The following ATRNL1 variants were observed in gnomAD, a reference collection of about 807,000 sequenced individuals.
The protein encoded by ATRNL1 is attractin-like protein 1.
In ATRNL1, 95 loss-of-function variants were observed where a neutral mutation model predicts 182.7. The observed-to-expected ratio is 0.52, with a 90% confidence interval of 0.44 to 0.62. The LOEUF is 0.62. Ranked by LOEUF, ATRNL1 falls within the 20% of genes least tolerant of loss-of-function variation. ATRNL1 has a pLI of 0.00. For synonymous variants in ATRNL1, 576 were observed against 568.3 expected (o/e 1.01, Z -0.19); for missense variants, 1,471 against 1,679.5 (o/e 0.88, Z 2.17).
intron 28 of ATRNL1, among the ~76,000 whole-genome samples, chr10:115,911,787 G>A (rs782574627): frequency 1.1e-3 from 172 of 152,244 alleles, no homozygotes; most frequent in Non-Finnish European, 1.7e-3. Flanking sequence ...AAGAGCACAA[G>A]GAAGAGCACA....
rs149026975 is a variant in ATRNL1, at chr10:115,934,652, A to C, written c.4019-10006A>C. Reference sequence around the variant, plus strand: ...TATCTCTCCTTATTGCCACATTCTTATCTGGTTTCAATAATAGTAGCCTCA... The same window carrying C: ...TATCTCTCCTTATTGCCACATTCTTCTCTGGTTTCAATAATAGTAGCCTCA... On this transcript the variant is annotated intron_variant, in intron 28 of 28. Coordinates refer to ENST00000355044, the MANE Select transcript of ATRNL1 (RefSeq NM_207303.4). Among the ~76,000 whole-genome samples, 29 of 152,164 alleles carry C rather than the reference A, an allele frequency of 1.9e-4. No homozygotes were observed. The East Asian group carries it at 5.6e-3, about 30-fold the overall frequency.
intron 25 of ATRNL1, among the ~76,000 whole-genome samples, chr10:115,538,362 C>A (rs1852163490): frequency 6.6e-6 from 1 of 152,296 alleles, no homozygotes; most frequent in East Asian, 1.9e-4. Context: ...GTGCTTGGTC[C>A]TGTCAACATT....
intron 24 of ATRNL1, among the ~76,000 whole-genome samples, chr10:115,486,212 G>T (rs1315091176): frequency 6.6e-6 from 1 of 152,092 alleles, no homozygotes; most frequent in African/African-American, 2.4e-5. Context: ...ACATCTGTGT[G>T]CATGTGTCTC....
intron 26 of ATRNL1, among the ~76,000 whole-genome samples, chr10:115,669,009 A>G (rs11197400): frequency 0.01 from 1,559 of 152,230 alleles, 30 homozygotes; most frequent in African/African-American, 0.035. Context: ...TTCGTATTGT[A>G]GAAGGAAGAG....
intron 26 of ATRNL1, among the ~76,000 whole-genome samples, chr10:115,626,685 ATTAGG>A (rs1439846638): frequency 6.6e-6 from 1 of 152,218 alleles, no homozygotes; most frequent in Non-Finnish European, 1.5e-5. Context: ...CACAGACTAC[ATTAGG>A]TTAGATTTGA....
At chr10:115,636,843 C>T (rs965081916) in intron 26 of ATRNL1, among the ~76,000 whole-genome samples, 5 of 152,152 alleles carry the variant, frequency 3.3e-5, no homozygotes, top group African/African-American at 1.2e-4. Context: ...CAAATCATAG[C>T]ATATCCATAC....
intron 19 of ATRNL1, among the ~76,000 whole-genome samples, chr10:115,368,246 G>T (rs545814525): frequency 6.6e-6 from 1 of 152,110 alleles, no homozygotes; most frequent in Non-Finnish European, 1.5e-5. Context: ...TTTTTAAGCC[G>T]GTCCGAAAAG....
chr10:115,751,536 C>T lies in ATRNL1; in HGVS notation c.3903+24181C>T, dbSNP rs560323781. Among the ~76,000 whole-genome samples, 12 of 152,104 alleles carry T rather than the reference C, an allele frequency of 7.9e-5. No homozygotes were observed. The South Asian group carries it at 2.3e-3, about 29-fold the overall frequency. Reference sequence around the variant, plus strand: ...GAATTTTGCTATATTTACATATACACTCACCCTTAGATCCCACAAACACAT... The same window carrying T: ...GAATTTTGCTATATTTACATATACATTCACCCTTAGATCCCACAAACACAT... On this transcript the variant is annotated intron_variant, in intron 27 of 28. Transcript: ENST00000355044.
intron 21 of ATRNL1, among the ~76,000 whole-genome samples, chr10:115,431,608 T>G (rs1318254344): frequency 5.9e-5 from 9 of 152,072 alleles, no homozygotes; most frequent in South Asian, 4.1e-4. Flanking sequence ...ATGTATGTAT[T>G]TATTTATTTA....
At chr10:115,197,476 T>G (rs1554891305) in intron 8 of ATRNL1, among the ~76,000 whole-genome samples, 1 of 152,190 alleles carries the variant, frequency 6.6e-6, no homozygotes, top group East Asian at 1.9e-4. Flanking sequence ...GGAAACTATC[T>G]GTTCCAGGAC....
intron 28 of ATRNL1, among the ~76,000 whole-genome samples, chr10:115,861,358 A>G (rs911771981): frequency 2.6e-5 from 4 of 152,304 alleles, no homozygotes; most frequent in South Asian, 2.1e-4. Context: ...CCTACAACAT[A>G]GTAAAAGACA....
chr10:115,557,380 T>G (rs1424939157), intron 26 of ATRNL1, among the ~76,000 whole-genome samples: 1 of 152,004 alleles, frequency 6.6e-6, no homozygotes, highest in East Asian at 1.9e-4. Context: ...CCTGAGACAT[T>G]CAAATTTAAG....
intron 9 of ATRNL1, among the ~76,000 whole-genome samples, chr10:115,229,481 T>C (rs1439315570): frequency 6.6e-6 from 1 of 152,122 alleles, no homozygotes; most frequent in Non-Finnish European, 1.5e-5. Flanking sequence ...GTTGGCTCTT[T>C]ATCAAGTCCT....
chr10:115,392,616 T>A (rs572614708), intron 19 of ATRNL1, among the ~76,000 whole-genome samples: 1 of 152,284 alleles, frequency 6.6e-6, no homozygotes, highest in South Asian at 2.1e-4. Context: ...TATAGTCTTA[T>A]GTGTGAAGAA....
At chr10:115,757,013 A>T (rs1948608614) in intron 27 of ATRNL1, among the ~76,000 whole-genome samples, 1 of 151,834 alleles carries the variant, frequency 6.6e-6, no homozygotes, top group African/African-American at 2.4e-5. Flanking sequence ...TTTGCTTAGT[A>T]TATCTTCCTC....
intron 5 of ATRNL1, among the ~76,000 whole-genome samples, chr10:115,132,801 G>A (rs1304177540): frequency 1.3e-5 from 2 of 152,132 alleles, no homozygotes; most frequent in Non-Finnish European, 2.9e-5. Flanking sequence ...CTGTAAATTT[G>A]TTGGAGTTCT....
chr10:115,250,202 G>A (rs1244494448), intron 10 of ATRNL1, among the ~76,000 whole-genome samples: 3 of 152,078 alleles, frequency 2.0e-5, no homozygotes, highest in African/African-American at 7.2e-5. Context: ...TATATTCTTA[G>A]GGTTATTGGT....
chr10:115,520,587 TG>T (rs1230895898), intron 25 of ATRNL1, among the ~76,000 whole-genome samples: 2 of 152,222 alleles, frequency 1.3e-5, no homozygotes, highest in African/African-American at 4.8e-5. Context: ...TATGCCTGAA[TG>T]CCTTTAATGA....
At chr10:115,158,174 A>G (rs1180261752) in intron 5 of ATRNL1, among the ~76,000 whole-genome samples, 1 of 152,078 alleles carries the variant, frequency 6.6e-6, no homozygotes, top group Non-Finnish European at 1.5e-5. Context: ...ATAAATCTAT[A>G]TTTCCTTTTA....
Sources: allele counts gnomAD v4.1 joint callset (sites outside exome capture counted in the v4.1 genomes callset), GRCh38; gene constraint gnomAD v4.1.1; transcripts MANE v1.5; gene names NCBI Gene and HGNC (gene_info 2026-07-23, HGNC 2026-07-21).